Variants in MACROD2 observed in about 807,000 individuals in gnomAD.
MACROD2 encodes ADP-ribose glycohydrolase MACROD2.
In MACROD2, 36 loss-of-function variants were observed where a neutral mutation model predicts 70.4. That is an observed-to-expected ratio of 0.51 (90% CI 0.39 to 0.68). The LOEUF (loss-of-function observed/expected upper bound fraction) is 0.68. Ranked by LOEUF, MACROD2 falls within the 30% of genes least tolerant of loss-of-function variation. MACROD2 has a pLI of 0.00. For missense variants in MACROD2, 496 were observed against 538.4 expected, an observed-to-expected ratio of 0.92 and a Z score of 0.78; for synonymous variants, 172 against 178.8, an observed-to-expected ratio of 0.96 and a Z score of 0.30.
At chr20:14,005,792 G>A (rs1304603780) in intron 2 of MACROD2, among the ~76,000 whole-genome samples, 1 of 152,098 alleles carries the variant, frequency 6.6e-6, no homozygotes, top group Non-Finnish European at 1.5e-5. Context: ...GTGGAGATGG[G>A]CTTTCACTGT....
intron 8 of MACROD2, among the ~76,000 whole-genome samples, chr20:15,588,222 A>T (rs1399733233): frequency 1.3e-5 from 2 of 152,260 alleles, no homozygotes; most frequent in East Asian, 3.9e-4. Context: ...AGAGCTGTAT[A>T]TTGGCCCCTT....
chr20:15,911,494 AG>A (rs1008438478), intron 10 of MACROD2, among the ~76,000 whole-genome samples: 70 of 151,268 alleles, frequency 4.6e-4, no homozygotes, highest in African/African-American at 1.6e-3. Flanking sequence ...GGGGATTTTC[AG>A]GAAAGCGTTA....
intron 8 of MACROD2, among the ~76,000 whole-genome samples, chr20:15,733,706 T>C (rs1372956771): frequency 6.6e-6 from 1 of 152,224 alleles, no homozygotes; most frequent in Non-Finnish European, 1.5e-5. Flanking sequence ...CCAGTCCACC[T>C]GTAACCCTAC....
At chr20:14,801,479 A>C (rs1012449675) in intron 5 of MACROD2, among the ~76,000 whole-genome samples, 1 of 152,130 alleles carries the variant, frequency 6.6e-6, no homozygotes, top group African/African-American at 2.4e-5. Flanking sequence ...AGATTTTTTT[A>C]AGACCTTCTT....
intron 5 of MACROD2, among the ~76,000 whole-genome samples, chr20:14,748,991 T>C (rs540923154): frequency 1.3e-5 from 2 of 152,232 alleles, no homozygotes; most frequent in East Asian, 3.9e-4. Flanking sequence ...ATTTATAGTT[T>C]ATGCCCTTCA....
chr20:14,639,228 T>C (rs1984960189), intron 4 of MACROD2, among the ~76,000 whole-genome samples: 2 of 152,122 alleles, frequency 1.3e-5, no homozygotes, highest in Non-Finnish European at 2.9e-5. Context: ...AACCCTCTCC[T>C]TTCTTTTTTT....
intron 9 of MACROD2, among the ~76,000 whole-genome samples, chr20:15,885,354 A>C (rs2064809058): frequency 1.3e-5 from 2 of 152,146 alleles, no homozygotes; most frequent in South Asian, 4.1e-4. Flanking sequence ...TCTATGACCA[A>C]ATAATGATGT....
intron 11 of MACROD2, among the ~76,000 whole-genome samples, chr20:15,934,060 A>T (rs1331293078): frequency 1.3e-5 from 2 of 152,196 alleles, no homozygotes; most frequent in Admixed American, 1.3e-4. Context: ...CTTTAAAAGA[A>T]TGATAGGCAC....
intron 3 of MACROD2, among the ~76,000 whole-genome samples, chr20:14,182,060 C>A (rs2081309472): frequency 6.6e-6 from 1 of 152,164 alleles, no homozygotes; most frequent in Non-Finnish European, 1.5e-5. Context: ...GAAGAACTAC[C>A]AAACTTTTTC....
chr20:16,036,287 C>T (rs78107529), intron 15 of MACROD2, among the ~76,000 whole-genome samples: 2 of 148,834 alleles, frequency 1.3e-5, no homozygotes, highest in Non-Finnish European at 3.0e-5. Context: ...ACTCCTCCCC[C>T]GGCCAGCATC....
intron 5 of MACROD2, among the ~76,000 whole-genome samples, chr20:15,018,276 G>C (rs915423118): frequency 6.6e-6 from 1 of 152,126 alleles, no homozygotes. Context: ...AATGCCGCCA[G>C]ACTCTTTGCC....
intron 6 of MACROD2, among the ~76,000 whole-genome samples, chr20:15,247,044 A>C (rs2077112244): frequency 1.3e-5 from 2 of 152,198 alleles, no homozygotes; most frequent in African/African-American, 4.8e-5. Flanking sequence ...AGAGATGGGA[A>C]TCAGGGAATG....
At chr20:15,476,437 A>G (rs2146444394) in intron 7 of MACROD2, among the ~76,000 whole-genome samples, 1 of 152,348 alleles carries the variant, frequency 6.6e-6, no homozygotes, top group Middle Eastern at 3.4e-3. Context: ...AGTCACTGAT[A>G]GTCAAGTTTT....
At chr20:15,967,714 A>T (rs2066165475) in intron 13 of MACROD2, 84 bp downstream of exon 13, 3 of 1,202,280 alleles carry the variant, frequency 2.5e-6, no homozygotes, top group Non-Finnish European at 3.5e-6. Context: ...CACAGACTTG[A>T]ATTTTTCTGG....
intron 8 of MACROD2, among the ~76,000 whole-genome samples, chr20:15,668,678 T>A (rs1384626052): frequency 6.6e-6 from 1 of 152,266 alleles, no homozygotes; most frequent in African/African-American, 2.4e-5. Context: ...TTTTGATGTT[T>A]GTCGCAAAAT....
At chr20:15,847,175 A>G (rs1467412430) in intron 8 of MACROD2, among the ~76,000 whole-genome samples, 1 of 152,112 alleles carries the variant, frequency 6.6e-6, no homozygotes. Flanking sequence ...TCTCCTCAAC[A>G]TTTCCAAAAG....
intron 5 of MACROD2, among the ~76,000 whole-genome samples, chr20:15,205,662 G>C (rs767697389): frequency 6.6e-6 from 1 of 152,130 alleles, no homozygotes; most frequent in Non-Finnish European, 1.5e-5. Flanking sequence ...TTACTTCAAA[G>C]AAAGAAGAGA....
intron 4 of MACROD2, among the ~76,000 whole-genome samples, chr20:14,509,347 T>A (rs2085004018): frequency 6.6e-6 from 1 of 152,146 alleles, no homozygotes; most frequent in East Asian, 1.9e-4. Context: ...ATGGAGAAAA[T>A]TGTAATATAT....
At chr20:14,484,255 C>T (rs6110307) in intron 3 of MACROD2, among the ~76,000 whole-genome samples, 1 of 151,794 alleles carries the variant, frequency 6.6e-6, no homozygotes. Flanking sequence ...TACATATGTC[C>T]TTTTACCCAT....
Sources: allele counts gnomAD v4.1 joint callset (sites outside exome capture counted in the v4.1 genomes callset), GRCh38; gene constraint gnomAD v4.1.1; transcripts MANE v1.5; gene names NCBI Gene and HGNC (gene_info 2026-07-23, HGNC 2026-07-21).